The following GLIS3 variants were observed in gnomAD, a reference collection of about 807,000 sequenced individuals.
GLIS3 encodes zinc finger protein GLIS3.
In GLIS3, 53 loss-of-function variants were observed where a neutral mutation model predicts 78.6. The ratio of observed to expected loss-of-function variants is 0.67; its 90% CI spans 0.54 to 0.85. The LOEUF (loss-of-function observed/expected upper bound fraction) is 0.85. Ranked by LOEUF, GLIS3 falls within the 40% of genes least tolerant of loss-of-function variation. The pLI is 0.00. For missense variants in GLIS3, 1,703 were observed against 1,231.1 expected (o/e 1.38, Z -5.74); for synonymous variants, 684 against 509.9 (o/e 1.34, Z -4.60).
chr9:4,050,887 G>T (rs1218139923), intron 4 of GLIS3, among the ~76,000 whole-genome samples: 1 of 152,174 alleles, frequency 6.6e-6, no homozygotes, highest in Non-Finnish European at 1.5e-5. Context: ...CACACCTGCA[G>T]GTGAAATCCT....
At chr9:4,255,024 AAAC>A (rs1159533763) in intron 2 of GLIS3, among the ~76,000 whole-genome samples, 17 of 152,220 alleles carry the variant, frequency 1.1e-4, no homozygotes, top group African/African-American at 3.4e-4. Flanking sequence ...AACAATGAGA[AAAC>A]AACCATCCCT....
At chr9:4,078,719 G>C (rs1423042869) in intron 4 of GLIS3, among the ~76,000 whole-genome samples, 1 of 152,136 alleles carries the variant, frequency 6.6e-6, no homozygotes, top group Non-Finnish European at 1.5e-5. Context: ...CCTTCTTTCA[G>C]AGGTTTCTAA....
At chr9:4,207,694 GGAGA>G (rs1442261850) in intron 2 of GLIS3, among the ~76,000 whole-genome samples, 1 of 152,154 alleles carries the variant, frequency 6.6e-6, no homozygotes. Context: ...GAAAAAAGCA[GGAGA>G]GAGAGGATAT....
intron 9 of GLIS3, among the ~76,000 whole-genome samples, chr9:3,848,182 T>A (rs769113485): frequency 6.6e-6 from 1 of 152,232 alleles, no homozygotes; most frequent in Non-Finnish European, 1.5e-5. Context: ...TGGGAGTGTT[T>A]ACTGTCTTTA....
At chr9:4,128,320 A>G (rs1364205268) in intron 2 of GLIS3, among the ~76,000 whole-genome samples, 1 of 152,104 alleles carries the variant, frequency 6.6e-6, no homozygotes, top group Non-Finnish European at 1.5e-5. Flanking sequence ...GTGCCTCAGC[A>G]CCTATAGTGC....
At chr9:4,348,588 T>C (rs1010266632), upstream of GLIS3, among the ~76,000 whole-genome samples, 1 of 152,266 alleles carries the variant, frequency 6.6e-6, no homozygotes, top group Non-Finnish European at 1.5e-5. Flanking sequence ...GGACATAATA[T>C]AGTCCCATTT....
At chr9:4,087,147 A>C (rs921333440) in intron 4 of GLIS3, among the ~76,000 whole-genome samples, 16 of 152,354 alleles carry the variant, frequency 1.1e-4, no homozygotes, top group African/African-American at 3.6e-4. Flanking sequence ...GAGGCAAAGA[A>C]GACAAAACCT....
At chr9:4,471,394 G>C in the GLIS3 span, among the ~76,000 whole-genome samples, 2 of 152,146 alleles carry the variant, frequency 1.3e-5, no homozygotes, top group African/African-American at 2.4e-5. Flanking sequence ...CATGGTACTG[G>C]TACCAAAAGA....
intron 2 of GLIS3, among the ~76,000 whole-genome samples, chr9:4,153,547 C>G (rs1834838748): frequency 1.3e-5 from 2 of 152,078 alleles, no homozygotes; most frequent in South Asian, 4.1e-4. Flanking sequence ...CTGGGCAACA[C>G]AGTGAGACTC....
chr9:4,088,647 T>C (rs768468253), intron 4 of GLIS3, among the ~76,000 whole-genome samples: 2 of 152,358 alleles, frequency 1.3e-5, no homozygotes, highest in African/African-American at 2.4e-5. Context: ...CAACTATATA[T>C]TGGATGTATT....
chr9:4,203,631 T>G (rs1226969628), intron 2 of GLIS3, among the ~76,000 whole-genome samples: 1 of 152,198 alleles, frequency 6.6e-6, no homozygotes, highest in Non-Finnish European at 1.5e-5. Flanking sequence ...AACAAATTTT[T>G]CAACCAAAAA....
chr9:4,042,342 G>C (rs192384588), intron 4 of GLIS3, among the ~76,000 whole-genome samples: 5 of 152,306 alleles, frequency 3.3e-5, no homozygotes, highest in Non-Finnish European at 5.9e-5. Flanking sequence ...AGTGTTAACT[G>C]TCAGCCAAAC....
chr9:4,350,065 A>G (rs542648259), upstream of GLIS3, among the ~76,000 whole-genome samples: 2 of 152,332 alleles, frequency 1.3e-5, no homozygotes, highest in African/African-American at 4.8e-5. Context: ...GTCAGATTGC[A>G]AGTTACACCA....
the GLIS3 span, among the ~76,000 whole-genome samples, chr9:4,464,741 T>C: frequency 6.6e-6 from 1 of 152,152 alleles, no homozygotes. Flanking sequence ...AGAAAATAAG[T>C]TCAAAGAAAA....
chr9:4,174,558 T>C (rs1260957882), intron 2 of GLIS3, among the ~76,000 whole-genome samples: 2 of 152,200 alleles, frequency 1.3e-5, no homozygotes, highest in Admixed American at 6.5e-5. Flanking sequence ...ATGATTCCTA[T>C]ATATATAATC....
chr9:4,464,254 C>A, the GLIS3 span, among the ~76,000 whole-genome samples: 1 of 151,826 alleles, frequency 6.6e-6, no homozygotes, highest in Non-Finnish European at 1.5e-5. Flanking sequence ...AGGCAATGGT[C>A]TCTTTGTAGC....
intron 2 of GLIS3, among the ~76,000 whole-genome samples, chr9:4,196,830 T>C (rs546807077): frequency 2.6e-4 from 40 of 152,248 alleles, no homozygotes; most frequent in African/African-American, 8.4e-4. Flanking sequence ...CACAATGAGA[T>C]GTGCAACCAA....
the GLIS3 span, among the ~76,000 whole-genome samples, chr9:4,366,142 G>A: frequency 2.0e-5 from 3 of 152,162 alleles, no homozygotes; most frequent in African/African-American, 7.2e-5. Context: ...GGATATAAAG[G>A]GAAATGTGGA....
At chr9:4,269,810 G>A (rs1357332133) in intron 2 of GLIS3, among the ~76,000 whole-genome samples, 2 of 152,170 alleles carry the variant, frequency 1.3e-5, no homozygotes, top group Admixed American at 6.5e-5. Context: ...TGAAGCACAG[G>A]TTTAGACGGA....
Sources: gnomAD v4.1 joint callset for allele counts (sites outside exome capture counted in the v4.1 genomes callset) on GRCh38, gnomAD v4.1.1 for gene constraint, MANE v1.5 for transcripts, NCBI Gene and HGNC (gene_info 2026-07-23, HGNC 2026-07-21) for gene names.